Variants in PCLO observed in about 807,000 individuals in gnomAD.
The protein encoded by PCLO is piccolo presynaptic cytomatrix protein.
Under a neutral mutation model 427.5 loss-of-function variants are expected in PCLO, and 82 were observed. That is an observed-to-expected ratio of 0.19 (90% confidence interval 0.16 to 0.23). PCLO has a LOEUF of 0.23. Among genes scored for constraint, PCLO ranks in the 10% least tolerant of loss-of-function variants. PCLO has a pLI of 1.00. For synonymous variants in PCLO, 2,357 were observed against 2,155.4 expected (o/e 1.09, Z -2.59); for missense variants, 6,239 against 6,115.9 (o/e 1.02, Z -0.67).
intron 3 of PCLO, among the ~76,000 whole-genome samples, chr7:83,026,906 A>C (rs904709503): frequency 2.0e-4 from 28 of 143,570 alleles, no homozygotes; most frequent in African/African-American, 7.1e-4. Flanking sequence ...TTTGAAACCA[A>C]CCAGAACAAA....
rs1790282368 is a variant in PCLO, at chr7:82,754,762, C to T, written c.*3813G>A. The T allele has an allele frequency of 6.6e-6, 1 of 151,774 alleles. No homozygotes were observed. The highest frequency in any genetic ancestry group is 1.5e-5 in the Non-Finnish European group (1 of 67,912). The allele number at this position is 151,774 out of a possible 1,614,324, so 9.4% of individuals were successfully genotyped here. A position where few individuals can be genotyped will look rare whatever the true frequency, so the allele number is the denominator to read the frequency against. On this transcript the variant is annotated 3_prime_UTR_variant, in exon 25 of 25. Coordinates refer to ENST00000333891, the MANE Select transcript of PCLO (RefSeq NM_033026.6). ...TCACTCATTCATTACTGTATTACAC[C>T]CAAGGCAAGTAATTATTAAATAAAT...
intron 22 of PCLO, among the ~76,000 whole-genome samples, chr7:82,798,988 C>T (rs777287050): frequency 2.0e-5 from 3 of 152,068 alleles, no homozygotes; most frequent in Non-Finnish European, 2.9e-5. Flanking sequence ...AAAATAAAGT[C>T]GCCTCTGATT....
intron 3 of PCLO, among the ~76,000 whole-genome samples, chr7:83,094,328 C>A (rs1211125762): frequency 6.6e-6 from 1 of 151,500 alleles, no homozygotes; most frequent in Non-Finnish European, 1.5e-5. Flanking sequence ...CCTGCCTCAG[C>A]TGCCCAAGTA....
intron 3 of PCLO, among the ~76,000 whole-genome samples, chr7:82,997,721 G>A (rs1182266457): frequency 6.6e-6 from 1 of 151,986 alleles, no homozygotes; most frequent in Non-Finnish European, 1.5e-5. Context: ...AATGAGTTAA[G>A]AACCTGGCAG....
intron 20 of PCLO, among the ~76,000 whole-genome samples, chr7:82,818,684 G>A (rs73710005): frequency 0.035 from 5,286 of 152,156 alleles, 317 homozygotes; most frequent in African/African-American, 0.12. Context: ...TATATTTGTC[G>A]GTTCTGAAAA....
intron 3 of PCLO, among the ~76,000 whole-genome samples, chr7:83,079,138 G>A (rs904183544): frequency 4.6e-5 from 7 of 152,000 alleles, no homozygotes; most frequent in Admixed American, 2.0e-4. Context: ...TGGAGGGATG[G>A]AATTAAAATT....
intron 3 of PCLO, among the ~76,000 whole-genome samples, chr7:83,074,141 T>G (rs571595994): frequency 6.6e-6 from 1 of 152,102 alleles, no homozygotes; most frequent in Non-Finnish European, 1.5e-5. Context: ...TTAAAATAAT[T>G]TTCTCATTAT....
rs574707412 is a variant in PCLO, at chr7:82,914,739, C to T, written c.13247G>A (p.Arg4416His). ...REESRTRGYD[R>H]DIAFIMDDFQ... is the part of the protein sequence containing the mutation. ...GTCATCCATGATGAATGCTATGTCA[C>T]GGTCATAGCCTCGAGTCCGTGATTC... Residue 4416 changes from arginine (R) to histidine (H), a missense_variant, in exon 7 of 25, where the codon CGT (arginine) becomes CAT (histidine). Around this residue, in one of 5 missense-constraint regions of PCLO, gnomAD observed 877 missense variants for 925.5 expected, o/e 0.95. Transcript: ENST00000333891. The T allele has an allele frequency of 2.3e-5, 37 of 1,613,038 alleles. No homozygotes were observed. The highest frequency in any genetic ancestry group is 3.3e-4 in the Middle Eastern group (2 of 6,056).
At chr7:82,783,499 G>T (rs1213986483) in intron 22 of PCLO, among the ~76,000 whole-genome samples, 1 of 152,092 alleles carries the variant, frequency 6.6e-6, no homozygotes, top group East Asian at 1.9e-4. Context: ...GCGGGCTCCT[G>T]TAGTGCCAGC....
intron 3 of PCLO, among the ~76,000 whole-genome samples, chr7:83,037,881 A>G (rs1404779731): frequency 2.7e-5 from 4 of 145,624 alleles, no homozygotes; most frequent in Non-Finnish European, 6.0e-5. Context: ...GATAAAGTGG[A>G]TATTAACTGC....
intron 1 of PCLO, among the ~76,000 whole-genome samples, chr7:83,156,610 GA>G (rs887312873): frequency 4.1e-5 from 6 of 147,786 alleles, no homozygotes; most frequent in South Asian, 2.1e-4. Context: ...AGCAAGTGAA[GA>G]AAAAAAAACT....
In PCLO at chr7:83,137,633, G is replaced by A. The variant is rs148472323; in HGVS notation, c.1894-1977C>T. 3.7e-3 allele frequency among the ~76,000 whole-genome samples: 561 copies of A among 151,642 alleles called. 23 individuals are homozygous for A. In the East Asian group the frequency reaches 0.076, roughly 21 times the overall value. On this transcript the variant is annotated intron_variant, in intron 2 of 24. Transcript: ENST00000333891. Reference sequence around the variant, plus strand: ...TTTTTAGTAGAGACAGGTTTTCACCGTGTTAGCCAGGATGGTCTCCATCTC... The same window carrying A: ...TTTTTAGTAGAGACAGGTTTTCACCATGTTAGCCAGGATGGTCTCCATCTC...
chr7:82,918,113 A>G (rs1273323444), intron 6 of PCLO, among the ~76,000 whole-genome samples: 2 of 152,002 alleles, frequency 1.3e-5, no homozygotes, highest in African/African-American at 4.8e-5. Context: ...GAAATGAATA[A>G]ATGTTATGAA....
chr7:82,808,131 T>C (rs1250303618), intron 20 of PCLO, among the ~76,000 whole-genome samples: 2 of 151,974 alleles, frequency 1.3e-5, no homozygotes, highest in Admixed American at 6.6e-5. Flanking sequence ...TTGATGGGAT[T>C]CTATAATCCA....
Position 82,951,884 on chromosome 7 carries a change from T to C in PCLO, c.9069A>G (p.Val3023=). ...FDYSEGTDTA[V]DLTSGRVTTG... Reference sequence around the variant, plus strand: ...TAGTAACTCTCCCTGAAGTCAGATCTACTGCTGTGTCAGTTCCTTCAGAAT... The same window carrying C: ...TAGTAACTCTCCCTGAAGTCAGATCCACTGCTGTGTCAGTTCCTTCAGAAT... The change falls in exon 5 of 25, where the codon GTA becomes GTG. Residue 3023 remains valine, a synonymous_variant. Transcript: ENST00000333891. 1 of 1,613,502 alleles carries C rather than the reference T, an allele frequency of 6.2e-7. No homozygotes were observed. Among genetic ancestry groups the C allele is most frequent in the South Asian group, 1.1e-5 (1 of 91,078 alleles).
At chr7:82,823,912 A>G (rs73383954) in intron 19 of PCLO, among the ~76,000 whole-genome samples, 3,373 of 152,266 alleles carry the variant, frequency 0.022, 128 homozygotes, top group African/African-American at 0.077. Flanking sequence ...TTTTTGTATT[A>G]TCTTTATGAA....
intron 3 of PCLO, among the ~76,000 whole-genome samples, chr7:83,121,974 T>C (rs1426874621): frequency 6.6e-6 from 1 of 152,152 alleles, no homozygotes; most frequent in Non-Finnish European, 1.5e-5. Flanking sequence ...CCAAGTGAGA[T>C]TTATCCCAAG....
At chr7:83,130,214 G>C (rs562014190) in intron 3 of PCLO, among the ~76,000 whole-genome samples, 1 of 152,200 alleles carries the variant, frequency 6.6e-6, no homozygotes, top group Admixed American at 6.5e-5. Context: ...AAGTCTCTCT[G>C]TGTTGTCCAC....
intron 3 of PCLO, among the ~76,000 whole-genome samples, chr7:83,103,540 T>C (rs1003096167): frequency 1.3e-5 from 2 of 151,974 alleles, no homozygotes; most frequent in African/African-American, 2.4e-5. Context: ...ATATATACTA[T>C]TATGAGTCTG....
Sources: allele counts gnomAD v4.1 joint callset (sites outside exome capture counted in the v4.1 genomes callset), GRCh38; gene constraint gnomAD v4.1.1; regional missense constraint gnomAD v4.1.1; transcripts MANE v1.5; gene names NCBI Gene and HGNC (gene_info 2026-07-23, HGNC 2026-07-21).